The following CADM2 variants were observed in gnomAD, a reference collection of about 807,000 sequenced individuals.
The protein encoded by CADM2 is cell adhesion molecule 2.
A neutral mutation model predicts 49.8 loss-of-function variants in CADM2; 12 were observed. That is an observed-to-expected ratio of 0.24 (90% CI 0.15 to 0.39). The LOEUF (loss-of-function observed/expected upper bound fraction) is 0.39, where lower values mean the gene tolerates loss of function less well. Among genes scored for constraint, CADM2 ranks in the 10% least tolerant of loss-of-function variants. The pLI is 1.00. For missense variants in CADM2, 378 were observed against 492.3 expected (o/e 0.77, Z 2.20); for synonymous variants, 214 against 175.4 (o/e 1.22, Z -1.74).
chr3:85,809,500 A>C (rs1254952092), intron 3 of CADM2, among the ~76,000 whole-genome samples: 2 of 152,140 alleles, frequency 1.3e-5, no homozygotes, highest in African/African-American at 4.8e-5. Context: ...CTGAAGCAAG[A>C]GAATTGCTTG....
At position 85,897,394 on chromosome 3, in the gene CADM2, C is replaced by T. The variant is rs375290485; in HGVS notation, c.529+11067C>T. The stretch of plus-strand genomic sequence containing the variant: ...ACGCCATTCTCCTGCCTCAGCCTCC[C>T]GAGTAGCTGGGACTACAGGCGCCCG... On this transcript the variant is annotated intron_variant, in intron 5 of 9. Transcript: ENST00000383699. Among the ~76,000 whole-genome samples the T allele has an allele frequency of 3.7e-3, 558 of 149,532 alleles. 13 individuals are homozygous for T. The highest frequency in any genetic ancestry group is 0.032 in the East Asian group (162 of 5,106).
chr3:85,261,838 C>G (rs1206089824), intron 1 of CADM2, among the ~76,000 whole-genome samples: 1 of 151,968 alleles, frequency 6.6e-6, no homozygotes, highest in Non-Finnish European at 1.5e-5. Context: ...TCACCTTTTT[C>G]CCCTAATCTA....
At chr3:85,921,774 C>T (rs145089179) in intron 6 of CADM2, among the ~76,000 whole-genome samples, 105 of 152,036 alleles carry the variant, frequency 6.9e-4, no homozygotes, top group African/African-American at 2.4e-3. Context: ...CTCTCTCTCT[C>T]GTTACATCAT....
rs537238750 is a variant in CADM2, at chr3:85,338,218, G to A, written c.61+378550G>A. 5.5e-4 allele frequency among the ~76,000 whole-genome samples: 84 copies of A among 151,618 alleles called. 1 individual carries two copies. The highest frequency in any genetic ancestry group is 1.9e-3 in the African/African-American group (77 of 41,450). On this transcript the variant is annotated intron_variant, in intron 1 of 9. Coordinates refer to ENST00000383699, the MANE Select transcript of CADM2 (RefSeq NM_001167675.2). ...AGCTGGTTACATATAAGCCTTTTCC[G>A]CATTAAACTTGTGTGTCCCATATCA...
At chr3:85,359,650 ATATATATATATATATAT>A (rs1183806416) in intron 1 of CADM2, among the ~76,000 whole-genome samples, 1 of 14,522 alleles carries the variant, frequency 6.9e-5, no homozygotes, top group African/African-American at 1.2e-4. Flanking sequence ...ATATATATAT[ATATATATATATATATAT>A]TTTTTTTTTT....
chr3:85,967,453 G>C (rs185165480), intron 8 of CADM2, among the ~76,000 whole-genome samples: 10 of 151,558 alleles, frequency 6.6e-5, no homozygotes, highest in African/African-American at 2.2e-4. Context: ...AGTGAATGCA[G>C]CAATCATTAA....
intron 1 of CADM2, among the ~76,000 whole-genome samples, chr3:85,567,589 G>A (rs752402907): frequency 3.3e-5 from 5 of 151,882 alleles, no homozygotes; most frequent in Non-Finnish European, 4.4e-5. Flanking sequence ...TTTTTAGTAT[G>A]TATTGTTTTG....
At chr3:86,036,900 G>A (rs562688562) in intron 8 of CADM2, among the ~76,000 whole-genome samples, 2 of 151,986 alleles carry the variant, frequency 1.3e-5, no homozygotes, top group South Asian at 2.1e-4. Context: ...TTGATCACTG[G>A]CTTCAATATT....
chr3:85,260,903 A>T (rs1247668463), intron 1 of CADM2, among the ~76,000 whole-genome samples: 1 of 152,168 alleles, frequency 6.6e-6, no homozygotes, highest in African/African-American at 2.4e-5. Context: ...GGATATCTCT[A>T]ATCAGTGGAG....
At chr3:85,279,660 T>C (rs2043451812) in intron 1 of CADM2, among the ~76,000 whole-genome samples, 1 of 151,530 alleles carries the variant, frequency 6.6e-6, no homozygotes, top group African/African-American at 2.4e-5. Flanking sequence ...TTTAGTTATC[T>C]AAAATATTAA....
intron 1 of CADM2, among the ~76,000 whole-genome samples, chr3:85,623,784 A>G (rs1230324616): frequency 6.6e-6 from 1 of 152,180 alleles, no homozygotes; most frequent in Non-Finnish European, 1.5e-5. Context: ...TATCTTTTAA[A>G]CAGCTATTTC....
At chr3:85,830,990 A>C (rs1020443664) in intron 3 of CADM2, among the ~76,000 whole-genome samples, 1 of 151,674 alleles carries the variant, frequency 6.6e-6, no homozygotes, top group African/African-American at 2.4e-5. Context: ...CGCTCCCTGC[A>C]ACCCTCCCAC....
intron 1 of CADM2, among the ~76,000 whole-genome samples, chr3:85,477,578 C>A (rs1160112486): frequency 6.6e-6 from 1 of 151,752 alleles, no homozygotes; most frequent in Non-Finnish European, 1.5e-5. Flanking sequence ...ACAGCCAAAG[C>A]AAAAGAAAAT....
chr3:85,961,440 C>G, intron 7 of CADM2, 29 bp from the exon 8 acceptor site: 1 of 1,486,176 alleles, frequency 6.7e-7, no homozygotes, highest in South Asian at 1.4e-5. Flanking sequence ...CTTATTTTTG[C>G]TATCTACATG....
At chr3:85,974,503 C>T (rs1178542262) in intron 8 of CADM2, among the ~76,000 whole-genome samples, 1 of 151,650 alleles carries the variant, frequency 6.6e-6, no homozygotes, top group East Asian at 2.0e-4. Context: ...ATGGCTACCT[C>T]AACACAATAG....
intron 1 of CADM2, among the ~76,000 whole-genome samples, chr3:85,687,080 G>C (rs2066239417): frequency 6.6e-6 from 1 of 152,104 alleles, no homozygotes; most frequent in East Asian, 1.9e-4. Context: ...CAGATCTCCG[G>C]GGTTCACAAG....
chr3:84,975,407 C>T (rs983937403), intron 1 of CADM2, among the ~76,000 whole-genome samples: 8 of 151,194 alleles, frequency 5.3e-5, no homozygotes, highest in Non-Finnish European at 1.5e-5. Context: ...AAAAATCATC[C>T]GGTGTACTGT....
At chr3:85,102,980 A>G (rs2038068136) in intron 1 of CADM2, among the ~76,000 whole-genome samples, 1 of 152,214 alleles carries the variant, frequency 6.6e-6, no homozygotes, top group South Asian at 2.1e-4. Context: ...AATACAGCAT[A>G]CGGCTATGCA....
intron 3 of CADM2, among the ~76,000 whole-genome samples, chr3:85,808,714 T>C (rs750483374): frequency 1.3e-5 from 2 of 152,170 alleles, no homozygotes; most frequent in Non-Finnish European, 2.9e-5. Flanking sequence ...ATTTCAACTT[T>C]TAAATTTTTT....
Sources: gnomAD v4.1 joint callset for allele counts (sites outside exome capture counted in the v4.1 genomes callset) on GRCh38, gnomAD v4.1.1 for gene constraint, MANE v1.5 for transcripts, NCBI Gene and HGNC (gene_info 2026-07-23, HGNC 2026-07-21) for gene names.